FLI1: variants seen among roughly 807,000 people sequenced by gnomAD.
FLI1 encodes Friend leukemia integration 1 transcription factor.
In FLI1, 13 loss-of-function variants were observed where a neutral mutation model predicts 53.1. That is an observed-to-expected ratio of 0.24 (90% CI 0.16 to 0.39). FLI1 has a LOEUF of 0.39. Ranked by LOEUF, FLI1 falls within the 10% of genes least tolerant of loss-of-function variation. FLI1 has a pLI of 1.00. For synonymous variants in FLI1, 244 were observed against 236.7 expected (o/e 1.03, Z -0.28); for missense variants, 424 against 600.5 (o/e 0.71, Z 3.07).
intron 5 of FLI1, among the ~76,000 whole-genome samples, chr11:128,782,399 T>G (rs1368546935): frequency 6.6e-6 from 1 of 152,160 alleles, no homozygotes; most frequent in Non-Finnish European, 1.5e-5. Context: ...GTTTTTTTCC[T>G]AAGAAATTTT....
rs1321371695 is a variant in FLI1, at chr11:128,813,022, A to C, written c.*2034A>C. 5.9e-6 allele frequency: 1 copy of C among 168,206 alleles called. No homozygotes were observed. Among genetic ancestry groups the C allele is most frequent in the African/African-American group, 2.4e-5 (1 of 41,304 alleles). The allele number at this position is 168,206 out of a possible 1,614,324, so 10.4% of individuals were successfully genotyped here. ...CTAGAACCTTCTTAGGGTAACACTA[A>C]GTACCTTCTAGACAACATGTCTACC... is the stretch of plus-strand genomic sequence containing the variant. On this transcript the variant is annotated 3_prime_UTR_variant, in exon 9 of 9. Transcript: ENST00000527786.
intron 5 of FLI1, among the ~76,000 whole-genome samples, chr11:128,786,038 A>G (rs1942067552): frequency 6.6e-6 from 1 of 152,266 alleles, no homozygotes; most frequent in African/African-American, 2.4e-5. Flanking sequence ...GCAAAAATTA[A>G]AATAAAAAAA....
At position 128,772,864 on chromosome 11, in the gene FLI1, A is replaced by G. The variant is rs895933507; in HGVS notation, c.468A>G (p.Thr156=). 3 of 1,613,874 alleles carry G rather than the reference A, an allele frequency of 1.9e-6. No homozygotes were observed. Among genetic ancestry groups the G allele is most frequent in the African/African-American group, 2.7e-5 (2 of 74,936 alleles). ...IKEYSLMEID[T]SFFQNMDGKE... is the part of the protein sequence containing the mutation. ...AGTACAGCTTGATGGAGATCGACACATCCTTTTTCCAGAACATGGATGGCA... is the reference window on the plus strand; with the variant it reads ...AGTACAGCTTGATGGAGATCGACACGTCCTTTTTCCAGAACATGGATGGCA... The change falls in exon 4 of 9, where the codon ACA becomes ACG. Residue 156 remains threonine (T), a synonymous_variant. Coordinates refer to ENST00000527786, the MANE Select transcript of FLI1 (RefSeq NM_002017.5).
chr11:128,808,783 C>T (rs1565511766), intron 7 of FLI1, among the ~76,000 whole-genome samples: 1 of 151,976 alleles, frequency 6.6e-6, no homozygotes, highest in Non-Finnish European at 1.5e-5. Flanking sequence ...TATTAAAGAC[C>T]AGTAACCATG....
At chr11:128,690,843 GC>G (rs1344363474), upstream of FLI1, among the ~76,000 whole-genome samples, 2 of 152,088 alleles carry the variant, frequency 1.3e-5, no homozygotes, top group African/African-American at 4.8e-5. Context: ...TTGAAAACCA[GC>G]CCCGAGCTGC....
rs367910414 is a variant in FLI1 at position 128,772,927 on chromosome 11, C to T, written c.531C>T (p.Arg177=). ...LCKMNKEDFL[R]ATTLYNTEVL... Reference sequence around the variant, plus strand: ...AAATGAACAAGGAGGACTTCCTCCGCGCCACCACCCTCTACAACACGGAAG... The same window carrying T: ...AAATGAACAAGGAGGACTTCCTCCGTGCCACCACCCTCTACAACACGGAAG... Residue 177 remains arginine (R), a synonymous_variant, in exon 4 of 9, where the codon CGC becomes CGT. Coordinates refer to ENST00000527786, the MANE Select transcript of FLI1 (RefSeq NM_002017.5). 414 of 1,614,032 alleles carry T rather than the reference C, an allele frequency of 2.6e-4. No individual in the cohort carries two copies. Among genetic ancestry groups the T allele is most frequent in the South Asian group, 2.0e-3 (182 of 91,082 alleles).
At chr11:128,801,230 C>T (rs545293782) in intron 5 of FLI1, among the ~76,000 whole-genome samples, 21 of 152,338 alleles carry the variant, frequency 1.4e-4, no homozygotes, top group South Asian at 2.1e-4. Flanking sequence ...CATGCGCTGA[C>T]GGAGAGTCGG....
At chr11:128,731,070 A>G (rs1358441656) in intron 1 of FLI1, among the ~76,000 whole-genome samples, 1 of 152,254 alleles carries the variant, frequency 6.6e-6, no homozygotes, top group East Asian at 1.9e-4. Flanking sequence ...AGTTCATAAT[A>G]ATCTGTGCAA....
intron 5 of FLI1, 150 bp from the exon 6 acceptor site, chr11:128,805,215 AG>A: frequency 3.7e-6 from 2 of 534,138 alleles, no homozygotes; most frequent in South Asian, 5.6e-5. Context: ...TTCCAACCCC[AG>A]GGGGTGAGTA....
At chr11:128,731,591 C>T (rs1485513200) in intron 1 of FLI1, among the ~76,000 whole-genome samples, 2 of 152,082 alleles carry the variant, frequency 1.3e-5, no homozygotes, top group Admixed American at 6.5e-5. Context: ...CCTGAGTGAA[C>T]TTGCATGAAA....
chr11:128,705,580 G>A (rs1035550791), intron 1 of FLI1, among the ~76,000 whole-genome samples: 8 of 152,084 alleles, frequency 5.3e-5, no homozygotes, highest in African/African-American at 1.9e-4. Flanking sequence ...CACAAAGAAG[G>A]GAATGTTTTG....
At chr11:128,765,553 G>A (rs772717610) in intron 2 of FLI1, among the ~76,000 whole-genome samples, 12 of 152,158 alleles carry the variant, frequency 7.9e-5, no homozygotes, top group East Asian at 1.9e-4. Flanking sequence ...TCTCCTTTCC[G>A]AGAGACCCCT....
intron 1 of FLI1, among the ~76,000 whole-genome samples, chr11:128,711,097 T>C (rs969804497): frequency 1.4e-4 from 22 of 152,232 alleles, no homozygotes; most frequent in African/African-American, 5.3e-4. Context: ...TGAGTGGCTA[T>C]TGAGTATTTG....
rs138599447 is a variant in FLI1, at chr11:128,728,915, C to A, written c.19-29200C>A. ...AACCTACAACTTTTTGCAACCTCTA[C>A]TCCAACCGCCAGAGACACACCCTTC... On this transcript the variant is annotated intron_variant, in intron 1 of 8. Coordinates refer to ENST00000527786, the MANE Select transcript of FLI1 (RefSeq NM_002017.5). 2.5e-3 allele frequency among the ~76,000 whole-genome samples: 381 copies of A among 152,314 alleles called. 1 individual carries two copies. Among genetic ancestry groups the A allele is most frequent in the African/African-American group, 8.7e-3 (363 of 41,564 alleles).
chr11:128,743,934 T>A (rs1025788950), intron 1 of FLI1, among the ~76,000 whole-genome samples: 1 of 152,120 alleles, frequency 6.6e-6, no homozygotes, highest in Admixed American at 6.5e-5. Context: ...GGCTTAGCAC[T>A]CCAGTCAAGC....
chr11:128,687,609 G>C lies in FLI1; in HGVS notation c.-203+908G>C, dbSNP rs539919498. 8.9e-4 allele frequency among the ~76,000 whole-genome samples: 136 copies of C among 152,150 alleles called. 1 individual carries two copies. The Middle Eastern group carries it at 0.02, about 23-fold the overall frequency. On this transcript the variant is annotated intron_variant, in intron 1 of 6. Coordinates refer to the FLI1 transcript ENST00000344954. ...CCCGCCTCCAAGTGCTCCCCAGACC[G>C]GTCAGTGAGGCCCAGCTGAGCTCCC...
intron 1 of FLI1, among the ~76,000 whole-genome samples, chr11:128,704,274 T>C (rs1406898365): frequency 6.6e-6 from 1 of 151,540 alleles, no homozygotes; most frequent in Non-Finnish European, 1.5e-5. Flanking sequence ...CAGGGCTACA[T>C]TTTGTACTGT....
rs577435713 is a variant in FLI1 at position 128,710,396 on chromosome 11, G to T, written c.18+16120G>T. On this transcript the variant is annotated intron_variant, in intron 1 of 8. Transcript: ENST00000527786. Reference sequence around the variant, plus strand: ...GGTGTTATCCTTGGCCAACAGAATTGGGATTTCAAAGTTCATGAGGCCGAA... The same window carrying T: ...GGTGTTATCCTTGGCCAACAGAATTTGGATTTCAAAGTTCATGAGGCCGAA... Among the ~76,000 whole-genome samples, 91 of 152,130 alleles carry T rather than the reference G, an allele frequency of 6.0e-4. 1 individual carries two copies. In the South Asian group the frequency reaches 0.018, roughly 29 times the overall value.
intron 5 of FLI1, among the ~76,000 whole-genome samples, chr11:128,797,033 T>C (rs1300713430): frequency 6.6e-6 from 1 of 152,240 alleles, no homozygotes; most frequent in Admixed American, 6.5e-5. Flanking sequence ...TGAACTCACC[T>C]GTCCACTTCT....
Sources: allele counts gnomAD v4.1 joint callset (sites outside exome capture counted in the v4.1 genomes callset), GRCh38; gene constraint gnomAD v4.1.1; transcripts MANE v1.5; gene names NCBI Gene and HGNC (gene_info 2026-07-23, HGNC 2026-07-21).